The following ADAM12 variants were observed in gnomAD, a reference collection of about 807,000 sequenced individuals.
ADAM12 encodes the protein disintegrin and metalloproteinase domain-containing protein 12.
In ADAM12, 70 loss-of-function variants were observed where a neutral mutation model predicts 106.4. That is an observed-to-expected ratio of 0.66 (90% CI 0.54 to 0.80). The LOEUF (loss-of-function observed/expected upper bound fraction) is 0.80, where lower values mean the gene tolerates loss of function less well. ADAM12 is among the 30% of genes least tolerant of loss of function. The pLI is 0.00. For missense variants in ADAM12, 1,010 were observed against 1,171.9 expected (o/e 0.86, Z 2.02); for synonymous variants, 420 against 433.5 (o/e 0.97, Z 0.39).
At chr10:126,372,103 C>T (rs372508871) in intron 1 of ADAM12, among the ~76,000 whole-genome samples, 5 of 152,216 alleles carry the variant, frequency 3.3e-5, no homozygotes, top group South Asian at 2.1e-4. Flanking sequence ...AGGAGAAAAA[C>T]GAATAGAAAC....
chr10:126,315,501 G>C (rs1406293817), intron 2 of ADAM12, among the ~76,000 whole-genome samples: 2 of 152,136 alleles, frequency 1.3e-5, no homozygotes, highest in African/African-American at 2.4e-5. Flanking sequence ...CTGGGCAACT[G>C]AAGTATGTGG....
At chr10:126,312,444 TC>T (rs1961149981) in intron 2 of ADAM12, among the ~76,000 whole-genome samples, 1 of 152,106 alleles carries the variant, frequency 6.6e-6, no homozygotes, top group Non-Finnish European at 1.5e-5. Flanking sequence ...GGTAGTTGTC[TC>T]CCTTCAACAA....
intron 5 of ADAM12, among the ~76,000 whole-genome samples, chr10:126,125,486 G>A (rs888810931): frequency 5.9e-5 from 9 of 151,894 alleles, no homozygotes; most frequent in African/African-American, 1.2e-4. Flanking sequence ...CCCGTGATCC[G>A]CCAGCCTCGG....
intron 7 of ADAM12, among the ~76,000 whole-genome samples, chr10:126,109,491 G>A (rs1955830585): frequency 1.3e-5 from 2 of 152,078 alleles, no homozygotes; most frequent in Admixed American, 1.3e-4. Context: ...ATAATCTAAA[G>A]CCTTCTGTCA....
At chr10:126,307,729 A>G (rs1590759508) in intron 2 of ADAM12, among the ~76,000 whole-genome samples, 1 of 151,922 alleles carries the variant, frequency 6.6e-6, no homozygotes, top group African/African-American at 2.4e-5. Flanking sequence ...TAGTAGAGAC[A>G]GGGTTTCACT....
chr10:126,150,740 T>C (rs974373287), intron 4 of ADAM12, among the ~76,000 whole-genome samples: 1 of 152,176 alleles, frequency 6.6e-6, no homozygotes, highest in African/African-American at 2.4e-5. Flanking sequence ...CAATCTTTCT[T>C]CCATTCTGTC....
intron 17 of ADAM12, among the ~76,000 whole-genome samples, chr10:126,044,510 G>A (rs1954263170): frequency 6.6e-6 from 1 of 152,076 alleles, no homozygotes; most frequent in South Asian, 2.1e-4. Flanking sequence ...TGCATTTTTG[G>A]GTGGTTTATA....
intron 3 of ADAM12, among the ~76,000 whole-genome samples, chr10:126,246,283 G>A (rs1477605813): frequency 6.6e-6 from 1 of 152,182 alleles, no homozygotes; most frequent in Non-Finnish European, 1.5e-5. Context: ...GTAATTACTT[G>A]ACTCTCCAAT....
chr10:126,262,482 A>G lies in ADAM12; in HGVS notation c.260+16433T>C, dbSNP rs117791250. Among the ~76,000 whole-genome samples the G allele has an allele frequency of 9.8e-3, 1,494 of 152,336 alleles. 20 individuals carry two copies. Among genetic ancestry groups the G allele is most frequent in the Non-Finnish European group, 0.012 (841 of 68,030 alleles). ...TCCTAGCCAAGCAGGTCAGAGGGGA[A>G]GAAGAAAACAAATGTGTTCAAAAAG... On this transcript the variant is annotated intron_variant, in intron 3 of 22. Transcript: ENST00000448723.
intron 11 of ADAM12, among the ~76,000 whole-genome samples, chr10:126,093,688 C>T (rs1202948555): frequency 6.6e-6 from 1 of 152,240 alleles, no homozygotes; most frequent in Non-Finnish European, 1.5e-5. Context: ...ATAAAAAACA[C>T]TTGCTGGGAC....
intron 11 of ADAM12, among the ~76,000 whole-genome samples, chr10:126,086,680 A>AATATATATATATATATATATAT (rs1210379675): frequency 1.0e-3 from 25 of 24,188 alleles, no homozygotes; most frequent in South Asian, 6.4e-3. Flanking sequence ...AAAAAAAAAA[A>AATATATATATATATATATATAT]ATATATATAT....
chr10:126,251,883 G>GGGAT (rs1565168709), intron 3 of ADAM12, among the ~76,000 whole-genome samples: 2 of 56,652 alleles, frequency 3.5e-5, no homozygotes, highest in Non-Finnish European at 3.3e-5. Context: ...TGGGATGGAT[G>GGGAT]CAATGGATGG....
rs78878566 is a variant in ADAM12, at chr10:126,334,745, G to A, written c.89-4236C>T. Reference sequence around the variant, plus strand: ...CAACCTTCCTTTGGTAACTTATGAAGGGAAACAGGAAAGGCTATAACCAAG... The same window carrying A: ...CAACCTTCCTTTGGTAACTTATGAAAGGAAACAGGAAAGGCTATAACCAAG... On this transcript the variant is annotated intron_variant, in intron 1 of 22. Transcript: ENST00000448723. Among the ~76,000 whole-genome samples, 1,323 of 152,184 alleles carry A rather than the reference G, an allele frequency of 8.7e-3. 24 individuals carry two copies. The highest frequency in any genetic ancestry group is 0.03 in the African/African-American group (1,261 of 41,506).
At chr10:126,156,757 G>C (rs532210654) in intron 3 of ADAM12, among the ~76,000 whole-genome samples, 1 of 152,172 alleles carries the variant, frequency 6.6e-6, no homozygotes. Context: ...AGCAGGAGTC[G>C]GCCAGGCCCA....
rs76541260 is a variant in ADAM12, at chr10:126,102,618, A to T, written c.742-1377T>A. 7.5e-3 allele frequency among the ~76,000 whole-genome samples: 1,138 copies of T among 152,332 alleles called. 12 individuals carry two copies. Among genetic ancestry groups the T allele is most frequent in the African/African-American group, 0.026 (1,082 of 41,570 alleles). On this transcript the variant is annotated intron_variant, in intron 8 of 22. Coordinates refer to ENST00000448723, the MANE Select transcript of ADAM12 (RefSeq NM_001288973.2). ...GGGTTAGCAGGAGAATATGACCAGGATACAAAGTGCATCACAGAATATATG... is the reference window on the plus strand; with the variant it reads ...GGGTTAGCAGGAGAATATGACCAGGTTACAAAGTGCATCACAGAATATATG...
At chr10:126,121,122 G>GTATATATACTATATACTATATATAC (rs1565073954) in intron 5 of ADAM12, among the ~76,000 whole-genome samples, 12 of 29,598 alleles carry the variant, frequency 4.1e-4, no homozygotes, top group Non-Finnish European at 7.5e-4. Flanking sequence ...TATATATATA[G>GTATATATACTATATACTATATATAC]TATATATACT....
chr10:126,287,523 T>A (rs1244002916), intron 2 of ADAM12, among the ~76,000 whole-genome samples: 1 of 152,128 alleles, frequency 6.6e-6, no homozygotes, highest in East Asian at 1.9e-4. Context: ...TGCCCTTTCT[T>A]AAGACCCTTC....
chr10:126,125,058 C>T (rs1402433594), intron 5 of ADAM12, among the ~76,000 whole-genome samples: 2 of 151,914 alleles, frequency 1.3e-5, no homozygotes, highest in Non-Finnish European at 2.9e-5. Context: ...AAGTTCACTC[C>T]TTGAAAGCAT....
At chr10:126,223,510 T>C (rs1328001168) in intron 3 of ADAM12, among the ~76,000 whole-genome samples, 2 of 152,214 alleles carry the variant, frequency 1.3e-5, no homozygotes, top group East Asian at 1.9e-4. Context: ...GAGAGCCTAA[T>C]AGGCATCTAT....
Sources: allele counts gnomAD v4.1 joint callset (sites outside exome capture counted in the v4.1 genomes callset), GRCh38; gene constraint gnomAD v4.1.1; transcripts MANE v1.5; gene names NCBI Gene and HGNC (gene_info 2026-07-23, HGNC 2026-07-21).